HS3ST3B1: variants seen among roughly 807,000 people sequenced by gnomAD.
HS3ST3B1 encodes the protein heparan sulfate-glucosamine 3-sulfotransferase 3B1, also known as heparan sulfate glucosamine 3-O-sulfotransferase 3B1.
A neutral mutation model predicts 21.3 loss-of-function variants in HS3ST3B1; 13 were observed. That is an observed-to-expected ratio of 0.61 (90% CI 0.40 to 0.97). HS3ST3B1 has a LOEUF of 0.97. Among genes scored for constraint, HS3ST3B1 ranks in the 50% least tolerant of loss-of-function variants. The pLI is 0.00. For synonymous variants in HS3ST3B1, 234 were observed against 254.8 expected, an observed-to-expected ratio of 0.92 and a Z score of 0.78; for missense variants, 459 against 554.8, an observed-to-expected ratio of 0.83 and a Z score of 1.73.
intron 1 of HS3ST3B1, among the ~76,000 whole-genome samples, chr17:14,308,289 G>T (rs1301510549): frequency 2.6e-5 from 4 of 152,144 alleles, no homozygotes; most frequent in African/African-American, 9.7e-5. Flanking sequence ...CAGCCAAGAG[G>T]CTATGTGTTA....
intron 1 of HS3ST3B1, among the ~76,000 whole-genome samples, chr17:14,305,797 G>A (rs908540886): frequency 3.3e-5 from 5 of 152,106 alleles, no homozygotes; most frequent in Non-Finnish European, 5.9e-5. Flanking sequence ...AACACTTACC[G>A]AATGTTTTCC....
At chr17:14,341,888 C>T (rs567859360) in intron 1 of HS3ST3B1, among the ~76,000 whole-genome samples, 335 of 152,230 alleles carry the variant, frequency 2.2e-3, no homozygotes, top group Non-Finnish European at 3.5e-3. Flanking sequence ...AGTTGCGAGC[C>T]GAGACTCTCT....
chr17:14,341,530 C>CTT (rs911857955), intron 1 of HS3ST3B1, among the ~76,000 whole-genome samples: 2 of 147,072 alleles, frequency 1.4e-5, no homozygotes, highest in East Asian at 4.0e-4. Flanking sequence ...CAGACATCAT[C>CTT]TTTTTTTTTT....
At chr17:14,319,283 A>G (rs932352107) in intron 1 of HS3ST3B1, among the ~76,000 whole-genome samples, 1 of 152,150 alleles carries the variant, frequency 6.6e-6, no homozygotes, top group Non-Finnish European at 1.5e-5. Context: ...CTCCATTATA[A>G]AATCCTTTGG....
chr17:14,316,779 G>A (rs1044341266), intron 1 of HS3ST3B1, among the ~76,000 whole-genome samples: 3 of 152,190 alleles, frequency 2.0e-5, no homozygotes, highest in African/African-American at 7.2e-5. Flanking sequence ...ACACAGCACC[G>A]GAAACAAAGG....
intron 1 of HS3ST3B1, among the ~76,000 whole-genome samples, chr17:14,324,855 C>G (rs1909757815): frequency 6.6e-6 from 1 of 152,174 alleles, no homozygotes; most frequent in Non-Finnish European, 1.5e-5. Flanking sequence ...CTCAAGCAAT[C>G]CTCCCATCTT....
At position 14,313,122 on chromosome 17, in the gene HS3ST3B1, A is replaced by ATG. The variant is rs1555548209; in HGVS notation, c.554+11062_554+11063dup. ...TGTGTGTGTGTGTATATATATATAT[A>ATG]TGTGTGTGTGTGTATATATATATTT... On this transcript the variant is annotated intron_variant, in intron 1 of 1. Coordinates refer to ENST00000360954, the MANE Select transcript of HS3ST3B1 (RefSeq NM_006041.3). Among the ~76,000 whole-genome samples the ATG allele has an allele frequency of 4.8e-5, 7 of 145,748 alleles. No individual in the cohort carries two copies. The South Asian group carries it at 6.5e-4, about 14-fold the overall frequency.
At chr17:14,333,919 C>G (rs764575189) in intron 1 of HS3ST3B1, among the ~76,000 whole-genome samples, 1 of 152,212 alleles carries the variant, frequency 6.6e-6, no homozygotes, top group East Asian at 1.9e-4. Flanking sequence ...TGTGCCACCA[C>G]GACCAGCTAA....
chr17:14,342,035 G>A (rs2142353770), intron 1 of HS3ST3B1, among the ~76,000 whole-genome samples: 1 of 152,276 alleles, frequency 6.6e-6, no homozygotes, highest in Non-Finnish European at 1.5e-5. Flanking sequence ...TAAGGGAAAA[G>A]CACTCTTCTT....
chr17:14,343,025 C>T (rs892145432), intron 1 of HS3ST3B1, among the ~76,000 whole-genome samples: 8 of 152,178 alleles, frequency 5.3e-5, no homozygotes, highest in South Asian at 4.1e-4. Flanking sequence ...GGGTGGATCA[C>T]GAGGTCAGGA....
intron 1 of HS3ST3B1, among the ~76,000 whole-genome samples, chr17:14,333,846 A>C (rs1910101465): frequency 6.6e-6 from 1 of 151,808 alleles, no homozygotes; most frequent in African/African-American, 2.4e-5. Context: ...GGCTCACCGC[A>C]ACCTCTCCCG....
chr17:14,349,023 A>T lies in HS3ST3B1; in HGVS notation c.*3377A>T, dbSNP rs1910652328. The T allele has an allele frequency of 6.6e-6, 1 of 152,222 alleles. No homozygotes were observed. Among genetic ancestry groups the T allele is most frequent in the African/African-American group, 2.4e-5 (1 of 41,456 alleles). The allele number at this position is 152,222 out of a possible 1,614,324, so 9.4% of individuals were successfully genotyped here. On this transcript the variant is annotated 3_prime_UTR_variant, in exon 2 of 2. Transcript: ENST00000360954. ...GATCCTGCCAGGATATTTTTGTAAA[A>T]AAGGAAAATGGAAGATTCCAATAAA...
chr17:14,336,151 A>G (rs887663385), intron 1 of HS3ST3B1, among the ~76,000 whole-genome samples: 2 of 152,102 alleles, frequency 1.3e-5, no homozygotes, highest in Admixed American at 1.3e-4. Context: ...GCCTACCCCA[A>G]CTCAATGTGG....
chr17:14,318,624 T>A (rs73979314), intron 1 of HS3ST3B1, among the ~76,000 whole-genome samples: 235 of 152,268 alleles, frequency 1.5e-3, no homozygotes, highest in African/African-American at 5.4e-3. Flanking sequence ...CTGTTTCTGT[T>A]TAGAGGAGAC....
At chr17:14,334,872 C>T (rs938331588) in intron 1 of HS3ST3B1, among the ~76,000 whole-genome samples, 5 of 152,146 alleles carry the variant, frequency 3.3e-5, no homozygotes, top group Admixed American at 6.5e-5. Flanking sequence ...AAACTGCACT[C>T]TCTATTCCCT....
In HS3ST3B1 at chr17:14,301,603, G is replaced by A. The variant is rs771325900; in HGVS notation, c.85G>A (p.Val29Met). The A allele has an allele frequency of 6.2e-7, 1 of 1,604,674 alleles. No individual in the cohort carries two copies. Among genetic ancestry groups the A allele is most frequent in the South Asian group, 1.1e-5 (1 of 90,706 alleles). Reference protein sequence around the residue: ...LPQPPPPPPPVRRKLALLFAM... With the variant: ...LPQPPPPPPPMRRKLALLFAM... ...GCAGCCGCCGCCGCCCCCGCCGCCG[G>A]TGAGGAGGAAGCTCGCGCTGCTCTT... is the stretch of plus-strand genomic sequence containing the variant. Residue 29 changes from valine to methionine, a missense_variant, in exon 1 of 2, where the codon GTG becomes ATG. Coordinates refer to ENST00000360954, the MANE Select transcript of HS3ST3B1 (RefSeq NM_006041.3).
At chr17:14,337,561 C>T (rs1910225829) in intron 1 of HS3ST3B1, among the ~76,000 whole-genome samples, 1 of 150,446 alleles carries the variant, frequency 6.6e-6, no homozygotes, top group Admixed American at 6.6e-5. Flanking sequence ...TGGTCTTGAA[C>T]TCCTGGCCTC....
chr17:14,313,001 T>C (rs1038359610), intron 1 of HS3ST3B1, among the ~76,000 whole-genome samples: 6 of 148,506 alleles, frequency 4.0e-5, no homozygotes. Flanking sequence ...GCCACCTGGG[T>C]TCAAGCAATT....
chr17:14,305,612 T>C (rs1909108184), intron 1 of HS3ST3B1: 1 of 152,224 alleles, frequency 6.6e-6, no homozygotes, highest in Non-Finnish European at 1.5e-5. Flanking sequence ...TATTGTTTGT[T>C]ATACAAAAAT....
Sources: allele counts gnomAD v4.1 joint callset (sites outside exome capture counted in the v4.1 genomes callset), GRCh38; gene constraint gnomAD v4.1.1; transcripts MANE v1.5; gene names NCBI Gene and HGNC (gene_info 2026-07-23, HGNC 2026-07-21).